Variants in KALRN observed in about 807,000 individuals in gnomAD.
KALRN encodes kalirin RhoGEF kinase.
A neutral mutation model predicts 353.7 loss-of-function variants in KALRN; 70 were observed. The ratio of observed to expected loss-of-function variants is 0.20; its 90% confidence interval spans 0.16 to 0.24. KALRN has a LOEUF of 0.24. KALRN is among the 10% of genes least tolerant of loss of function. The pLI, the probability that KALRN is intolerant of heterozygous loss-of-function variation, is 1.00. For synonymous variants in KALRN, 1,391 were observed against 1,434.8 expected, an observed-to-expected ratio of 0.97 and a Z score of 0.69; for missense variants, 2,791 against 3,756.7, an observed-to-expected ratio of 0.74 and a Z score of 6.72.
At chr3:124,715,022 A>C (rs1329368066) in intron 58 of KALRN, among the ~76,000 whole-genome samples, 2 of 152,212 alleles carry the variant, frequency 1.3e-5, no homozygotes, top group East Asian at 3.9e-4. Flanking sequence ...TCTCAAAAAA[A>C]AAAAAAAAAA....
At chr3:124,609,525 G>A (rs773597704) in intron 34 of KALRN, among the ~76,000 whole-genome samples, 1 of 152,222 alleles carries the variant, frequency 6.6e-6, no homozygotes, top group African/African-American at 2.4e-5. Context: ...CTGATGAGTA[G>A]TAGGTTATAA....
intron 37 of KALRN, among the ~76,000 whole-genome samples, chr3:124,642,806 G>GTTTTTTTTTTGTTGTTTT (rs1553707031): frequency 1.0e-5 from 1 of 96,840 alleles, no homozygotes; most frequent in African/African-American, 4.5e-5. Context: ...CCCAAGCCTC[G>GTTTTTTTTTTGTTGTTTT]TTTTTTTTTT....
chr3:124,576,160 C>T (rs1319792315), intron 34 of KALRN, among the ~76,000 whole-genome samples: 1 of 151,846 alleles, frequency 6.6e-6, no homozygotes, highest in Non-Finnish European at 1.5e-5. Flanking sequence ...TCTTCCCTAA[C>T]TCCCACCCTC....
At chr3:124,449,574 T>G (rs907408804) in intron 21 of KALRN, among the ~76,000 whole-genome samples, 23 of 152,248 alleles carry the variant, frequency 1.5e-4, no homozygotes, top group African/African-American at 5.5e-4. Context: ...ATCTTGTTTT[T>G]CATTTTTTAC....
intron 37 of KALRN, among the ~76,000 whole-genome samples, chr3:124,650,376 T>C (rs2083280861): frequency 6.6e-6 from 1 of 152,240 alleles, no homozygotes; most frequent in Non-Finnish European, 1.5e-5. Context: ...CTATCTCACA[T>C]AAATCATTCA....
At chr3:124,258,898 A>G (rs1357889496) in intron 3 of KALRN, among the ~76,000 whole-genome samples, 1 of 152,238 alleles carries the variant, frequency 6.6e-6, no homozygotes, top group African/African-American at 2.4e-5. Flanking sequence ...GGTTGAGTAC[A>G]TGGATGTGGA....
chr3:124,445,104 G>A (rs911754574), intron 19 of KALRN, among the ~76,000 whole-genome samples: 2 of 152,120 alleles, frequency 1.3e-5, no homozygotes, highest in African/African-American at 2.4e-5. Flanking sequence ...TCTGAACTCT[G>A]CCCTTTCCTA....
chr3:124,155,922 G>C (rs955922390), intron 1 of KALRN, among the ~76,000 whole-genome samples: 1 of 152,148 alleles, frequency 6.6e-6, no homozygotes, highest in Non-Finnish European at 1.5e-5. Context: ...TTTGTGTCCA[G>C]CCGCTTCTGG....
At chr3:124,677,538 C>T (rs955392827) in intron 49 of KALRN, 8 of 455,346 alleles carry the variant, frequency 1.8e-5, no homozygotes, top group Non-Finnish European at 3.1e-5. Flanking sequence ...GCTGACAAAG[C>T]CATATATTCA....
chr3:124,465,021 A>G (rs1380904022), intron 25 of KALRN, among the ~76,000 whole-genome samples: 1 of 152,178 alleles, frequency 6.6e-6, no homozygotes, highest in Non-Finnish European at 1.5e-5. Context: ...CACTAAAGGC[A>G]AATAACTGTA....
rs1366147278 is a variant in KALRN, at chr3:124,587,644, G to A, written c.5182+24555G>A. 2.0e-5 allele frequency among the ~76,000 whole-genome samples: 3 copies of A among 150,164 alleles called. No individual in the cohort carries two copies. In the South Asian group the frequency reaches 6.3e-4, roughly 32 times the overall value. On this transcript the variant is annotated intron_variant, in intron 34 of 59. Transcript: ENST00000682506. ...TTTCACTGAACTTATCTTTTGATTT[G>A]GAAGAGTATGGAAAGCGACTATCTT... is the stretch of plus-strand genomic sequence containing the variant.
intron 12 of KALRN, 112 bp from the exon 13 acceptor site, chr3:124,398,585 A>G: frequency 2.0e-6 from 2 of 1,024,546 alleles, no homozygotes; most frequent in Non-Finnish European, 3.0e-6. Flanking sequence ...TGATTGAATG[A>G]CTCAACTGAT....
chr3:124,482,341 G>A (rs1222977699), intron 27 of KALRN, among the ~76,000 whole-genome samples: 1 of 152,152 alleles, frequency 6.6e-6, no homozygotes, highest in Non-Finnish European at 1.5e-5. Flanking sequence ...ATATCCTTGT[G>A]CTATTTTAAG....
intron 10 of KALRN, among the ~76,000 whole-genome samples, chr3:124,365,675 T>C (rs2084594843): frequency 6.6e-6 from 1 of 152,252 alleles, no homozygotes; most frequent in Non-Finnish European, 1.5e-5. Flanking sequence ...TTTGTGTTGC[T>C]AATTCTCATT....
intron 14 of KALRN, among the ~76,000 whole-genome samples, chr3:124,421,982 T>A (rs936852179): frequency 6.6e-6 from 1 of 152,208 alleles, no homozygotes; most frequent in African/African-American, 2.4e-5. Flanking sequence ...AGTTTATTAA[T>A]GTTGGGTGGT....
intron 34 of KALRN, chr3:124,584,920 G>C (rs963579703): frequency 2.5e-6 from 4 of 1,589,366 alleles, no homozygotes; most frequent in Admixed American, 3.6e-5. Context: ...AGTGGCTGTC[G>C]GCGGCCTTGG....
At chr3:124,227,279 G>A (rs773986693) in intron 1 of KALRN, among the ~76,000 whole-genome samples, 41 of 152,158 alleles carry the variant, frequency 2.7e-4, no homozygotes, top group Non-Finnish European at 5.7e-4. Flanking sequence ...AAGAGAACAA[G>A]TTAAACAAGG....
chr3:124,152,133 T>G, intron 1 of KALRN: 1 of 1,315,054 alleles, frequency 7.6e-7, no homozygotes, highest in Non-Finnish European at 1.1e-6. Context: ...ATCTCATGAA[T>G]CAGATCCTTC....
intron 42 of KALRN, 126 bp downstream of exon 42, chr3:124,658,643 G>A: frequency 1.4e-6 from 1 of 725,662 alleles, no homozygotes; most frequent in Non-Finnish European, 2.5e-6. Context: ...ACCCATTCAT[G>A]GCAGGAATAG....
Sources: allele counts gnomAD v4.1 joint callset (sites outside exome capture counted in the v4.1 genomes callset), GRCh38; gene constraint gnomAD v4.1.1; transcripts MANE v1.5; gene names NCBI Gene and HGNC (gene_info 2026-07-23, HGNC 2026-07-21).